Variants in CTNNA3 observed in about 807,000 individuals in gnomAD.
The protein encoded by CTNNA3 is catenin alpha-3.
In CTNNA3, 76 loss-of-function variants were observed where a neutral mutation model predicts 95.7. The observed-to-expected ratio is 0.79, with a 90% CI of 0.66 to 0.96. The LOEUF is 0.96. CTNNA3 is among the 40% of genes least tolerant of loss of function. CTNNA3 has a pLI of 0.00. For missense variants in CTNNA3, 1,191 were observed against 1,089.8 expected, an observed-to-expected ratio of 1.09 and a Z score of -1.31; for synonymous variants, 431 against 374.4, an observed-to-expected ratio of 1.15 and a Z score of -1.74.
intron 9 of CTNNA3, among the ~76,000 whole-genome samples, chr10:66,763,325 CA>C (rs1839679313): frequency 9.0e-6 from 1 of 111,370 alleles, no homozygotes; most frequent in South Asian, 3.6e-4. Flanking sequence ...CACACACACA[CA>C]CACACACACA....
At chr10:66,441,978 T>G (rs1244498701) in intron 11 of CTNNA3, among the ~76,000 whole-genome samples, 4 of 152,202 alleles carry the variant, frequency 2.6e-5, no homozygotes, top group Non-Finnish European at 5.9e-5. Flanking sequence ...TTTCCATAAT[T>G]ATTCACACTG....
At chr10:67,208,897 T>C (rs1170450842) in intron 6 of CTNNA3, among the ~76,000 whole-genome samples, 1 of 152,078 alleles carries the variant, frequency 6.6e-6, no homozygotes, top group East Asian at 1.9e-4. Context: ...GCCAAGAATA[T>C]CAATATTAAT....
chr10:66,989,129 G>A (rs1850896478), intron 7 of CTNNA3, among the ~76,000 whole-genome samples: 1 of 151,956 alleles, frequency 6.6e-6, no homozygotes, highest in South Asian at 2.1e-4. Context: ...CTCTTGTCTA[G>A]CAGCAAGAAA....
rs762994703 is a variant in CTNNA3, at chr10:65,930,781, C to T, written c.2401-10164G>A. Among the ~76,000 whole-genome samples, 32 of 152,152 alleles carry T rather than the reference C, an allele frequency of 2.1e-4. 1 individual carries two copies. The highest frequency in any genetic ancestry group is 4.4e-4 in the Non-Finnish European group (30 of 68,028). ...AAAAAAAATATGATAGAGGGATGGG[C>T]TTTAGCTCTCAGCCCTTTTACATAT... On this transcript the variant is annotated intron_variant, in intron 17 of 17. Transcript: ENST00000433211.
intron 13 of CTNNA3, among the ~76,000 whole-genome samples, chr10:66,108,068 G>A (rs1374102758): frequency 6.6e-6 from 1 of 151,978 alleles, no homozygotes; most frequent in Admixed American, 6.6e-5. Flanking sequence ...CCAAGCAGGA[G>A]ACTAACGTCA....
At chr10:65,920,640 A>G (rs2077070064) in intron 17 of CTNNA3, 23 bp from the exon 18 acceptor site, 6 of 1,599,190 alleles carry the variant, frequency 3.8e-6, no homozygotes, top group Non-Finnish European at 5.1e-6. Flanking sequence ...AAGAGAAAAA[A>G]GAGCTATTAT....
chr10:67,103,378 A>G (rs1858452014), intron 7 of CTNNA3, among the ~76,000 whole-genome samples: 1 of 151,700 alleles, frequency 6.6e-6, no homozygotes, highest in Non-Finnish European at 1.5e-5. Flanking sequence ...ATTCCCCATT[A>G]ACTCTTTCGA....
intron 7 of CTNNA3, among the ~76,000 whole-genome samples, chr10:66,974,779 C>G (rs1403004942): frequency 6.7e-6 from 1 of 150,022 alleles, no homozygotes; most frequent in Non-Finnish European, 1.5e-5. Flanking sequence ...CATTGCACAT[C>G]TTTTCATGTG....
chr10:66,050,187 G>A (rs1406390202), intron 15 of CTNNA3, among the ~76,000 whole-genome samples: 1 of 151,812 alleles, frequency 6.6e-6, no homozygotes, highest in Admixed American at 6.6e-5. Context: ...AAATTTGGAT[G>A]TATAATGAAT....
At chr10:66,653,452 T>C (rs569102495) in intron 9 of CTNNA3, among the ~76,000 whole-genome samples, 1 of 151,996 alleles carries the variant, frequency 6.6e-6, no homozygotes, top group Non-Finnish European at 1.5e-5. Context: ...ATAAAAGAAA[T>C]TGAAGAAGAC....
chr10:66,308,406 T>C (rs1041886367), intron 12 of CTNNA3, among the ~76,000 whole-genome samples: 2 of 152,202 alleles, frequency 1.3e-5, no homozygotes, highest in Admixed American at 1.3e-4. Flanking sequence ...CTGTTTAAGA[T>C]TTGAAAATGG....
intron 5 of CTNNA3, among the ~76,000 whole-genome samples, chr10:67,305,263 G>T (rs137962676): frequency 6.6e-6 from 1 of 151,796 alleles, no homozygotes; most frequent in Non-Finnish European, 1.5e-5. Context: ...GTGACAGAGC[G>T]AGACTCCACG....
At chr10:67,181,487 C>A (rs1862541336) in intron 6 of CTNNA3, among the ~76,000 whole-genome samples, 1 of 151,934 alleles carries the variant, frequency 6.6e-6, no homozygotes, top group African/African-American at 2.4e-5. Context: ...TCTGAAGAAC[C>A]CTTAACATGA....
intron 10 of CTNNA3, among the ~76,000 whole-genome samples, chr10:66,568,719 A>G (rs1842783475): frequency 6.6e-6 from 1 of 151,906 alleles, no homozygotes; most frequent in African/African-American, 2.4e-5. Flanking sequence ...TGCTGGCTGC[A>G]ACTCTGGTAT....
chr10:67,525,086 A>G (rs1288484622), intron 4 of CTNNA3, among the ~76,000 whole-genome samples: 1 of 152,158 alleles, frequency 6.6e-6, no homozygotes, highest in Non-Finnish European at 1.5e-5. Flanking sequence ...TTACTTATTC[A>G]TAGTTTTGAG....
intron 13 of CTNNA3, among the ~76,000 whole-genome samples, chr10:66,243,977 G>C (rs1467495408): frequency 6.6e-6 from 1 of 152,064 alleles, no homozygotes; most frequent in African/African-American, 2.4e-5. Flanking sequence ...TACACTCTTG[G>C]ACAGCATTTC....
chr10:66,608,189 C>T (rs774571657), intron 10 of CTNNA3, among the ~76,000 whole-genome samples: 1 of 152,112 alleles, frequency 6.6e-6, no homozygotes, highest in African/African-American at 2.4e-5. Flanking sequence ...AATGCAATCC[C>T]ATCCACAATT....
rs1408049131 is a variant in CTNNA3, at chr10:67,504,156, C to CAA, written c.579+17684_579+17685dup. 1.3e-3 allele frequency among the ~76,000 whole-genome samples: 122 copies of CAA among 92,064 alleles called. 2 individuals carry two copies. Among genetic ancestry groups the CAA allele is most frequent in the African/African-American group, 4.2e-3 (103 of 24,570 alleles). The allele number at this position is 92,064 out of a possible 152,430, so 60.4% of individuals were successfully genotyped here. On this transcript the variant is annotated intron_variant, in intron 5 of 17. Coordinates refer to ENST00000433211, the MANE Select transcript of CTNNA3 (RefSeq NM_013266.4). ...TGGGCAACAGAGCAAGACTCCGTCT[C>CAA]AAAAAAAAAAAAACAGGTCGGTGCC...
chr10:66,023,137 T>A (rs1302168801), intron 15 of CTNNA3, among the ~76,000 whole-genome samples: 1 of 152,204 alleles, frequency 6.6e-6, no homozygotes, highest in Non-Finnish European at 1.5e-5. Context: ...TATCATGAAC[T>A]TTGTACATAA....
Sources: gnomAD v4.1 joint callset for allele counts (sites outside exome capture counted in the v4.1 genomes callset) on GRCh38, gnomAD v4.1.1 for gene constraint, MANE v1.5 for transcripts, NCBI Gene and HGNC (gene_info 2026-07-23, HGNC 2026-07-21) for gene names.